MARCHF3: variants seen among roughly 807,000 people sequenced by gnomAD.
The protein encoded by MARCHF3 is E3 ubiquitin-protein ligase MARCHF3.
MARCHF3 carries 13 observed loss-of-function variants against 24.2 expected under a neutral mutation model. That is an observed-to-expected ratio of 0.54 (90% CI 0.35 to 0.85). The LOEUF is 0.85. Among genes scored for constraint, MARCHF3 ranks in the 40% least tolerant of loss-of-function variants. The probability of loss-of-function intolerance (pLI) is 0.01; values close to 1 mark genes in which losing one functional copy is unlikely to be tolerated. For missense variants in MARCHF3, 276 were observed against 325.0 expected, an observed-to-expected ratio of 0.85 and a Z score of 1.16; for synonymous variants, 144 against 137.3, an observed-to-expected ratio of 1.05 and a Z score of -0.34.
intron 1 of MARCHF3, among the ~76,000 whole-genome samples, chr5:126,975,297 A>G (rs1220984052): frequency 6.6e-6 from 1 of 152,018 alleles, no homozygotes; most frequent in African/African-American, 2.4e-5. Flanking sequence ...TTACTATTAC[A>G]TTTTCATGTG....
chr5:126,877,053 G>C (rs1459315853), intron 4 of MARCHF3, among the ~76,000 whole-genome samples: 1 of 152,206 alleles, frequency 6.6e-6, no homozygotes, highest in East Asian at 1.9e-4. Flanking sequence ...TAAGTTCTTA[G>C]CATTAGAACA....
At chr5:126,897,056 T>TTTTTTTTTTTTTTTTTTTTTTTA (rs70997319) in intron 3 of MARCHF3, among the ~76,000 whole-genome samples, 1 of 148,948 alleles carries the variant, frequency 6.7e-6, no homozygotes, top group African/African-American at 2.5e-5. Context: ...TTTTTTTTTT[T>TTTTTTTTTTTTTTTTTTTTTTTA]GAGATGGAGT....
intron 1 of MARCHF3, among the ~76,000 whole-genome samples, chr5:127,000,631 C>T (rs962772612): frequency 2.0e-5 from 3 of 152,204 alleles, no homozygotes; most frequent in African/African-American, 7.2e-5. Flanking sequence ...AAAGGAACTG[C>T]AACTGCCTTT....
chr5:127,030,060 T>G (rs1355125389), intron 1 of MARCHF3: 2 of 152,156 alleles, frequency 1.3e-5, no homozygotes, highest in Non-Finnish European at 2.9e-5. Flanking sequence ...CAGCGCTCCA[T>G]GTCGTTGCCG....
intron 3 of MARCHF3, among the ~76,000 whole-genome samples, chr5:126,897,118 C>A (rs1459318743): frequency 1.3e-5 from 2 of 148,556 alleles, no homozygotes; most frequent in Non-Finnish European, 3.0e-5. Context: ...CGGCTCACTG[C>A]AACCTCTGCC....
intron 1 of MARCHF3, among the ~76,000 whole-genome samples, chr5:126,938,834 GT>G (rs1749731471): frequency 6.6e-6 from 1 of 152,176 alleles, no homozygotes; most frequent in Admixed American, 6.5e-5. Flanking sequence ...AAAATGTAAT[GT>G]TTCCTCAGTT....
intron 4 of MARCHF3, among the ~76,000 whole-genome samples, chr5:126,872,993 T>C (rs529025889): frequency 5.3e-5 from 8 of 152,254 alleles, no homozygotes; most frequent in South Asian, 4.2e-4. Context: ...CAGACAATTA[T>C]TATACTAATA....
intron 3 of MARCHF3, among the ~76,000 whole-genome samples, chr5:126,883,898 T>C (rs1753421542): frequency 6.6e-6 from 1 of 152,012 alleles, no homozygotes; most frequent in South Asian, 2.1e-4. Flanking sequence ...TGAGAAACCA[T>C]CACAAGAATG....
At chr5:126,939,875 T>C (rs1749771375) in intron 1 of MARCHF3, among the ~76,000 whole-genome samples, 1 of 152,184 alleles carries the variant, frequency 6.6e-6, no homozygotes, top group Non-Finnish European at 1.5e-5. Flanking sequence ...TCATTAACAT[T>C]GAACTCATGA....
intron 1 of MARCHF3, among the ~76,000 whole-genome samples, chr5:127,003,833 AAATGT>A (rs1752218708): frequency 6.6e-6 from 1 of 152,232 alleles, no homozygotes; most frequent in Non-Finnish European, 1.5e-5. Context: ...AGTTGTGCAC[AAATGT>A]AATGTGGACA....
At chr5:126,964,160 C>T (rs1397957762) in intron 1 of MARCHF3, among the ~76,000 whole-genome samples, 3 of 152,204 alleles carry the variant, frequency 2.0e-5, no homozygotes, top group African/African-American at 7.2e-5. Context: ...CTTCCCCCTC[C>T]TGGCTATGCC....
At position 126,884,098 on chromosome 5, in the gene MARCHF3, TA is replaced by T. The variant is rs1186371481; in HGVS notation, c.394-5705del. 8.5e-5 allele frequency among the ~76,000 whole-genome samples: 13 copies of T among 152,288 alleles called. No homozygotes were observed. In the East Asian group the frequency reaches 2.3e-3, roughly 27 times the overall value. ...TCTGTAAGCCCAACACATTCTACACTAAATTCTCGCTTATCTGGGGAGCTGG... is the reference window on the plus strand; with the variant it reads ...TCTGTAAGCCCAACACATTCTACACTAATTCTCGCTTATCTGGGGAGCTGG... On this transcript the variant is annotated intron_variant, in intron 3 of 4. Transcript: ENST00000308660.
intron 1 of MARCHF3, among the ~76,000 whole-genome samples, chr5:126,980,529 C>T (rs530382409): frequency 1.3e-5 from 2 of 152,220 alleles, no homozygotes; most frequent in East Asian, 1.9e-4. Flanking sequence ...CACCACCAGG[C>T]TCGGCTAATT....
At chr5:126,932,204 G>A (rs1749501145) in intron 1 of MARCHF3, among the ~76,000 whole-genome samples, 1 of 152,238 alleles carries the variant, frequency 6.6e-6, no homozygotes, top group Non-Finnish European at 1.5e-5. Flanking sequence ...AGGCAGAGTG[G>A]AGAAGCAGAA....
chr5:126,931,317 T>C (rs1016767289), intron 1 of MARCHF3, among the ~76,000 whole-genome samples: 1 of 152,166 alleles, frequency 6.6e-6, no homozygotes, highest in Non-Finnish European at 1.5e-5. Flanking sequence ...ACAGCTTCCA[T>C]GACTCTGTAA....
chr5:126,902,624 C>A (rs927351457), intron 3 of MARCHF3, among the ~76,000 whole-genome samples: 1 of 152,160 alleles, frequency 6.6e-6, no homozygotes, highest in Non-Finnish European at 1.5e-5. Context: ...TTCCATCTGG[C>A]ACGGTCATGT....
intron 1 of MARCHF3, among the ~76,000 whole-genome samples, chr5:127,001,236 TA>T (rs79852023): frequency 4.8e-3 from 664 of 139,450 alleles, no homozygotes; most frequent in Middle Eastern, 7.4e-3. Flanking sequence ...AGACTTCGTC[TA>T]AAAAAAAAAA....
chr5:126,984,735 C>A (rs1751503319), intron 1 of MARCHF3, among the ~76,000 whole-genome samples: 1 of 152,172 alleles, frequency 6.6e-6, no homozygotes, highest in South Asian at 2.1e-4. Flanking sequence ...AGATTATGAA[C>A]CCCAGGTCCA....
chr5:126,957,213 C>T (rs997149043), intron 1 of MARCHF3, among the ~76,000 whole-genome samples: 1 of 151,824 alleles, frequency 6.6e-6, no homozygotes, highest in African/African-American at 2.4e-5. Flanking sequence ...CCTTACTTTC[C>T]TATTGAGTTA....
Sources: gnomAD v4.1 joint callset for allele counts (sites outside exome capture counted in the v4.1 genomes callset) on GRCh38, gnomAD v4.1.1 for gene constraint, MANE v1.5 for transcripts, NCBI Gene and HGNC (gene_info 2026-07-23, HGNC 2026-07-21) for gene names.